LRRC1: variants seen among roughly 807,000 people sequenced by gnomAD.
LRRC1 encodes the protein leucine-rich repeat-containing protein 1.
In LRRC1, 28 loss-of-function variants were observed where a neutral mutation model predicts 69.9. The ratio of observed to expected loss-of-function variants is 0.40; its 90% CI spans 0.30 to 0.55. The LOEUF (loss-of-function observed/expected upper bound fraction) is 0.55, where lower values mean the gene tolerates loss of function less well. Among genes scored for constraint, LRRC1 ranks in the 20% least tolerant of loss-of-function variants. The pLI is 0.47. For synonymous variants in LRRC1, 236 were observed against 240.2 expected (o/e 0.98, Z 0.16); for missense variants, 498 against 609.0 (o/e 0.82, Z 1.92).
chr6:53,869,276 T>C (rs973322455), intron 2 of LRRC1, among the ~76,000 whole-genome samples: 2 of 151,964 alleles, frequency 1.3e-5, no homozygotes, highest in African/African-American at 4.8e-5. Context: ...GATTTGGAAA[T>C]TGGTCATGAG....
At chr6:53,843,849 T>A (rs1003106409) in intron 2 of LRRC1, among the ~76,000 whole-genome samples, 1 of 152,188 alleles carries the variant, frequency 6.6e-6, no homozygotes, top group South Asian at 2.1e-4. Context: ...TTGTGACTTC[T>A]CTTTACGTAC....
chr6:53,804,046 G>A (rs951718729), intron 1 of LRRC1, among the ~76,000 whole-genome samples: 6 of 152,180 alleles, frequency 3.9e-5, no homozygotes, highest in Admixed American at 3.9e-4. Context: ...ACTTGATCTG[G>A]AAGATGCTGA....
chr6:53,884,514 C>T (rs905654988), intron 4 of LRRC1, among the ~76,000 whole-genome samples: 1 of 151,776 alleles, frequency 6.6e-6, no homozygotes. Flanking sequence ...CCCCGCTTTG[C>T]CCCCCCTACA....
chr6:53,919,822 G>A (rs1219039302), intron 12 of LRRC1, 152 bp downstream of exon 12: 24 of 590,574 alleles, frequency 4.1e-5, no homozygotes, highest in Non-Finnish European at 6.2e-5. Context: ...GGACTCTTCC[G>A]GGAAGGTTAC....
chr6:53,837,403 A>G (rs767241206), intron 1 of LRRC1, among the ~76,000 whole-genome samples: 20 of 152,230 alleles, frequency 1.3e-4, no homozygotes, highest in Non-Finnish European at 2.9e-4. Context: ...CCAAAAAGGC[A>G]GTCTAGGTTG....
chr6:53,879,177 T>G (rs1218259513), intron 3 of LRRC1, 106 bp downstream of exon 3: 11 of 687,180 alleles, frequency 1.6e-5, no homozygotes, highest in Non-Finnish European at 2.8e-5. Flanking sequence ...CCTAGATGGA[T>G]CACTGTCTTT....
intron 2 of LRRC1, among the ~76,000 whole-genome samples, chr6:53,873,073 T>C (rs1389046126): frequency 6.6e-6 from 1 of 152,074 alleles, no homozygotes; most frequent in African/African-American, 2.4e-5. Flanking sequence ...TTAATTCTTC[T>C]AACCCATAAG....
chr6:53,896,604 G>A (rs1013320820), intron 5 of LRRC1, 50 bp downstream of exon 5: 2 of 1,531,476 alleles, frequency 1.3e-6, no homozygotes, highest in African/African-American at 2.7e-5. Flanking sequence ...ATGAATTTAA[G>A]TATTTAAAAA....
intron 1 of LRRC1, among the ~76,000 whole-genome samples, chr6:53,826,070 G>C (rs1347876244): frequency 1.3e-5 from 2 of 151,420 alleles, no homozygotes; most frequent in African/African-American, 4.9e-5. Flanking sequence ...CATCTTTCTA[G>C]TGTGTCTAGA....
rs1765916394 is a variant in LRRC1, at chr6:53,845,548, A to C, written c.277+3321A>C. Among the ~76,000 whole-genome samples the C allele has an allele frequency of 5.9e-5, 9 of 152,212 alleles. No individual in the cohort carries two copies. In the South Asian group the frequency reaches 1.9e-3, roughly 32 times the overall value. ...ATGGCGGTGCCTACTTTCTGATCAG[A>C]AGCTGTTCCTTTGGGTCCCTGCCCC... is the stretch of plus-strand genomic sequence containing the variant. On this transcript the variant is annotated intron_variant, in intron 2 of 13. Transcript: ENST00000370888.
At chr6:53,838,267 G>A (rs1402836057) in intron 1 of LRRC1, among the ~76,000 whole-genome samples, 2 of 152,190 alleles carry the variant, frequency 1.3e-5, no homozygotes, top group African/African-American at 4.8e-5. Context: ...GTCAGATGGG[G>A]TTGTTTTTAC....
chr6:53,908,879 A>G lies in LRRC1; in HGVS notation c.990+4417A>G, dbSNP rs190368724. ...ACAAATAGAAATGGCAACTAATGTGAAACAATTTCAGCCTCATCAGTATTC... is the reference window on the plus strand; with the variant it reads ...ACAAATAGAAATGGCAACTAATGTGGAACAATTTCAGCCTCATCAGTATTC... On this transcript the variant is annotated intron_variant, in intron 10 of 13. Coordinates refer to ENST00000370888, the MANE Select transcript of LRRC1 (RefSeq NM_018214.5). Among the ~76,000 whole-genome samples the G allele has an allele frequency of 5.0e-3, 763 of 152,366 alleles. 7 individuals carry two copies. Among genetic ancestry groups the G allele is most frequent in the Non-Finnish European group, 6.0e-3 (407 of 68,040 alleles).
chr6:53,812,514 C>T (rs180730651), intron 1 of LRRC1, among the ~76,000 whole-genome samples: 1,753 of 151,222 alleles, frequency 0.012, 30 homozygotes, highest in African/African-American at 0.038. Flanking sequence ...CACGGTGAAA[C>T]CCCGTCTCTA....
intron 4 of LRRC1, among the ~76,000 whole-genome samples, chr6:53,891,359 G>A (rs1767673605): frequency 6.6e-6 from 1 of 151,924 alleles, no homozygotes. Flanking sequence ...TTTATTAATA[G>A]GGTTCTAGTT....
At chr6:53,892,430 G>GCCTGTGGA (rs1767735452) in intron 4 of LRRC1, among the ~76,000 whole-genome samples, 1 of 152,148 alleles carries the variant, frequency 6.6e-6, no homozygotes, top group Non-Finnish European at 1.5e-5. Flanking sequence ...AGTGGATAAA[G>GCCTGTGGA]GCCTGTGGAG....
chr6:53,915,407 G>A (rs1351976569), intron 11 of LRRC1, among the ~76,000 whole-genome samples: 1 of 152,128 alleles, frequency 6.6e-6, no homozygotes, highest in Non-Finnish European at 1.5e-5. Context: ...ACTGGTTGCC[G>A]GAAACCCAGG....
chr6:53,891,950 C>T (rs1328068398), intron 4 of LRRC1, among the ~76,000 whole-genome samples: 2 of 148,138 alleles, frequency 1.4e-5, no homozygotes, highest in Non-Finnish European at 3.0e-5. Context: ...CAAGATCACA[C>T]CACTGCACTC....
intron 4 of LRRC1, among the ~76,000 whole-genome samples, chr6:53,894,597 AT>A (rs1359968294): frequency 1.3e-5 from 2 of 152,256 alleles, no homozygotes; most frequent in African/African-American, 2.4e-5. Flanking sequence ...CATTTTAAAA[AT>A]TTAAATGTGA....
intron 1 of LRRC1, among the ~76,000 whole-genome samples, chr6:53,830,467 A>C (rs777696551): frequency 6.6e-6 from 1 of 152,194 alleles, no homozygotes; most frequent in African/African-American, 2.4e-5. Context: ...ATCTGGATTA[A>C]TATTAGAATT....
Sources: gnomAD v4.1 joint callset for allele counts (sites outside exome capture counted in the v4.1 genomes callset) on GRCh38, gnomAD v4.1.1 for gene constraint, MANE v1.5 for transcripts, NCBI Gene and HGNC (gene_info 2026-07-23, HGNC 2026-07-21) for gene names.